TPTE: variants seen among roughly 807,000 people sequenced by gnomAD.
TPTE encodes transmembrane phosphatase with tensin homology.
In TPTE, 59 loss-of-function variants were observed where a neutral mutation model predicts 84.1. That is an observed-to-expected ratio of 0.70 (90% CI 0.57 to 0.87). TPTE has a LOEUF of 0.87. TPTE is among the 40% of genes least tolerant of loss of function. The pLI is 0.00. For synonymous variants in TPTE, 130 were observed against 223.5 expected (o/e 0.58, Z 3.73); for missense variants, 382 against 659.6 (o/e 0.58, Z 4.61).
intron 17 of TPTE, among the ~76,000 whole-genome samples, chr21:10,587,408 CCACCTT>C (rs1270288865): frequency 6.6e-6 from 1 of 152,308 alleles, no homozygotes; most frequent in Non-Finnish European, 1.5e-5. Flanking sequence ...TCCATTATTG[CCACCTT>C]GATGTCCATG....
intron 17 of TPTE, among the ~76,000 whole-genome samples, chr21:10,586,354 CAT>C: frequency 6.6e-6 from 1 of 152,386 alleles, no homozygotes; most frequent in South Asian, 2.1e-4. Context: ...TATTTCCAAA[CAT>C]ATGAGAATTT....
chr21:10,555,140 C>G (rs1317721024), intron 8 of TPTE, among the ~76,000 whole-genome samples: 2 of 152,310 alleles, frequency 1.3e-5, no homozygotes, highest in Non-Finnish European at 2.9e-5. Context: ...GTTAATATTT[C>G]TGCTTTTAAT....
At chr21:10,537,913 C>CAG in intron 3 of TPTE, among the ~76,000 whole-genome samples, 1 of 152,424 alleles carries the variant, frequency 6.6e-6, no homozygotes, top group African/African-American at 2.4e-5. Flanking sequence ...TGCATGATCT[C>CAG]ACTATAGGAT....
At chr21:10,538,819 T>C (rs1443823159) in intron 4 of TPTE, 85 bp downstream of exon 4, 11 of 1,613,286 alleles carry the variant, frequency 6.8e-6, no homozygotes, top group East Asian at 4.5e-5. Context: ...TAAACAAATA[T>C]ATCCATCCAT....
At chr21:10,525,086 C>A (rs111538593) in intron 2 of TPTE, among the ~76,000 whole-genome samples, 6,310 of 149,830 alleles carry the variant, frequency 0.042, 1 homozygote, top group Middle Eastern at 0.1. Flanking sequence ...AGCTAGTGTT[C>A]AGCTCAGGAA....
At chr21:10,574,231 A>C (rs1269131190) in intron 14 of TPTE, among the ~76,000 whole-genome samples, 1 of 152,308 alleles carries the variant, frequency 6.6e-6, no homozygotes, top group Admixed American at 6.5e-5. Flanking sequence ...TACAATACTT[A>C]TTATACCTCA....
intron 7 of TPTE, among the ~76,000 whole-genome samples, chr21:10,543,596 A>G (rs1193553116): frequency 2.0e-5 from 3 of 152,304 alleles, no homozygotes; most frequent in Non-Finnish European, 4.4e-5. Flanking sequence ...GCATGGCCAT[A>G]CAGAGTGTTT....
At chr21:10,596,531 T>C (rs1386193607) in intron 20 of TPTE, among the ~76,000 whole-genome samples, 12 of 152,284 alleles carry the variant, frequency 7.9e-5, no homozygotes, top group African/African-American at 2.9e-4. Context: ...GAGGCATTTT[T>C]TTTCTCATCA....
At chr21:10,574,760 G>A (rs1311270714) in intron 14 of TPTE, among the ~76,000 whole-genome samples, 27 of 152,220 alleles carry the variant, frequency 1.8e-4, no homozygotes, top group African/African-American at 6.5e-4. Context: ...CCGGGAAACC[G>A]TGTTTCTCTC....
intron 10 of TPTE, among the ~76,000 whole-genome samples, chr21:10,561,528 C>T (rs369814224): frequency 8.7e-4 from 133 of 152,024 alleles, no homozygotes; most frequent in African/African-American, 2.9e-3. Flanking sequence ...AAATAATTAA[C>T]GGGAGCATTC....
rs1329402391 is a variant in TPTE at position 10,532,691 on chromosome 21, A to G, written c.-44+5279A>G. 3.9e-5 allele frequency among the ~76,000 whole-genome samples: 6 copies of G among 152,304 alleles called. No individual in the cohort carries two copies. The East Asian group carries it at 7.7e-4, about 19-fold the overall frequency. ...ATCCTACAAACTTTGTCATGTTATT[A>G]TCAATCAGTTCTTAGTATTTAAAAT... On this transcript the variant is annotated intron_variant, in intron 3 of 23. Transcript: ENST00000618007.
chr21:10,544,737 A>T (rs1600875861), intron 7 of TPTE, among the ~76,000 whole-genome samples: 1 of 152,308 alleles, frequency 6.6e-6, no homozygotes, highest in East Asian at 1.9e-4. Flanking sequence ...GGCAGGAAAG[A>T]CATCCATGAT....
chr21:10,545,916 C>G (rs1212912997), intron 7 of TPTE, among the ~76,000 whole-genome samples: 3 of 151,838 alleles, frequency 2.0e-5, no homozygotes, highest in African/African-American at 7.2e-5. Context: ...ATATGAGCAT[C>G]TGTGTATATA....
intron 8 of TPTE, among the ~76,000 whole-genome samples, chr21:10,557,384 G>C (rs1411348515): frequency 6.6e-6 from 1 of 152,306 alleles, no homozygotes; most frequent in East Asian, 1.9e-4. Context: ...ATAGTTTCAG[G>C]GTACACTGAA....
At chr21:10,575,532 A>G (rs1378499436) in intron 14 of TPTE, among the ~76,000 whole-genome samples, 5 of 152,306 alleles carry the variant, frequency 3.3e-5, no homozygotes, top group Admixed American at 6.5e-5. Context: ...GCTTTTTTGG[A>G]TGGGTCCCTG....
chr21:10,574,893 A>C (rs1211356648), intron 14 of TPTE, among the ~76,000 whole-genome samples: 1 of 152,308 alleles, frequency 6.6e-6, no homozygotes, highest in African/African-American at 2.4e-5. Context: ...ACACACAGAA[A>C]CCCAGGAGTT....
chr21:10,555,786 C>T (rs2074670385), intron 8 of TPTE, among the ~76,000 whole-genome samples: 2 of 152,426 alleles, frequency 1.3e-5, no homozygotes, highest in South Asian at 2.1e-4. Context: ...GTCAGAAGCC[C>T]ATTTCTAGTC....
intron 3 of TPTE, among the ~76,000 whole-genome samples, chr21:10,530,093 T>A (rs143051545): frequency 9.7e-3 from 1,465 of 151,722 alleles, no homozygotes; most frequent in Non-Finnish European, 0.012. Flanking sequence ...GTCTCATATT[T>A]GGCCAGTGGG....
chr21:10,543,455 A>G (rs2074408901), intron 7 of TPTE, 73 bp downstream of exon 7: 2 of 1,609,390 alleles, frequency 1.2e-6, no homozygotes, highest in African/African-American at 2.7e-5. Flanking sequence ...AAGCACATAC[A>G]CAAATATATC....
Sources: allele counts gnomAD v4.1 joint callset (sites outside exome capture counted in the v4.1 genomes callset), GRCh38; gene constraint gnomAD v4.1.1; transcripts MANE v1.5; gene names NCBI Gene and HGNC (gene_info 2026-07-23, HGNC 2026-07-21).